The following GEN1 variants were observed in gnomAD, a reference collection of about 807,000 sequenced individuals.
The protein encoded by GEN1 is GEN1 structure-specific endonuclease, also known as flap endonuclease GEN homolog 1.
A neutral mutation model predicts 67.6 loss-of-function variants in GEN1; 64 were observed. The ratio of observed to expected loss-of-function variants is 0.95; its 90% CI spans 0.77 to 1.17. The LOEUF (loss-of-function observed/expected upper bound fraction) is 1.17, where lower values mean the gene tolerates loss of function less well. Among genes scored for constraint, GEN1 ranks in the 50% most tolerant of loss-of-function variants. GEN1 has a pLI of 0.00. For synonymous variants in GEN1, 371 were observed against 359.4 expected (o/e 1.03, Z -0.37); for missense variants, 1,058 against 1,048.3 (o/e 1.01, Z -0.13).
At chr2:17,764,876 G>A in intron 3 of GEN1, 21 bp from the exon 4 acceptor site, 2 of 1,605,248 alleles carry the variant, frequency 1.2e-6, no homozygotes, top group Non-Finnish European at 1.7e-6. Flanking sequence ...TTAACATCTT[G>A]CACCTGCTTT....
intron 4 of GEN1, among the ~76,000 whole-genome samples, chr2:17,765,601 T>C (rs1273298116): frequency 1.3e-5 from 2 of 152,212 alleles, no homozygotes; most frequent in African/African-American, 4.8e-5. Context: ...AGATATGTGA[T>C]GGCTTGGTGC....
At chr2:17,753,784 G>T (rs918764340), upstream of GEN1, 2 of 152,360 alleles carry the variant, frequency 1.3e-5, no homozygotes, top group Admixed American at 6.5e-5. Context: ...ATTCCCGGGA[G>T]CCCCGGCGCC....
chr2:17,782,535 G>C lies in GEN1; in HGVS notation c.*596G>C, dbSNP rs1021164341. Reference sequence around the variant, plus strand: ...CTTTTGGTGTCTTAGTCTCTTTTGAGGGGCAAAAATAGAAAAGGAGAGAAG... The same window carrying C: ...CTTTTGGTGTCTTAGTCTCTTTTGACGGGCAAAAATAGAAAAGGAGAGAAG... On this transcript the variant is annotated 3_prime_UTR_variant, in exon 14 of 14. Transcript: ENST00000381254. 1.3e-5 allele frequency: 2 copies of C among 152,130 alleles called. No homozygotes were observed. The highest frequency in any genetic ancestry group is 4.8e-5 in the African/African-American group (2 of 41,436). The allele number at this position is 152,130 out of a possible 1,614,324, so 9.4% of individuals were successfully genotyped here.
chr2:17,761,549 A>G lies in GEN1; in HGVS notation c.315A>G (p.Thr105=), dbSNP rs1419040318. 1 of 1,610,898 alleles carries G rather than the reference A, an allele frequency of 6.2e-7. No homozygotes were observed. Among genetic ancestry groups the G allele is most frequent in the Non-Finnish European group, 8.5e-7 (1 of 1,179,104 alleles). ...CTGGAAAATCGTGGTCTCAGAAAAC[A>G]GGGAGATCACATTTTAAATCAGTCT... ...GSSGKSWSQK[T]GRSHFKSVLR... The change falls in exon 3 of 14, where the codon ACA becomes ACG. Residue 105 remains threonine (T), a synonymous_variant. Transcript: ENST00000381254.
rs1672983331 is a variant in GEN1, at chr2:17,784,429, TTACGA to T, written c.*2493_*2497del. 1 of 152,070 alleles carries T rather than the reference TTACGA, an allele frequency of 6.6e-6. No homozygotes were observed. The highest frequency in any genetic ancestry group is 2.4e-5 in the African/African-American group (1 of 41,398). The allele number at this position is 152,070 out of a possible 1,614,324, so 9.4% of individuals were successfully genotyped here. The stretch of plus-strand genomic sequence containing the variant: ...GTTCTTCAAATGGTTAAATGTAGAG[TTACGA>T]TATGATCCAGCAATTCCTCTCCCAG... On this transcript the variant is annotated 3_prime_UTR_variant, in exon 14 of 14. Transcript: ENST00000381254.
chr2:17,766,599 C>A lies in GEN1; in HGVS notation c.546C>A (p.Tyr182Ter), dbSNP rs1671946493. Reference protein sequence around the residue: ...MNTKDPHVDCYTMSSIKSKLG... With the variant: ...MNTKDPHVDC ...TTTAGGACCCACATGTTGACTGTTA[C>A]ACAATGTCATCTATCAAGAGTAAAC... Residue 182 changes from tyrosine (Y) to a stop codon, truncating the protein, a stop_gained, in exon 5 of 14, where the codon TAC becomes TAA. Coordinates refer to ENST00000381254, the MANE Select transcript of GEN1 (RefSeq NM_001130009.3). LOFTEE classifies it high-confidence loss of function. 6.3e-7 allele frequency: 1 copy of A among 1,596,082 alleles called. No individual in the cohort carries two copies. The highest frequency in any genetic ancestry group is 8.6e-7 in the Non-Finnish European group (1 of 1,165,108).
rs1313232959 is a variant in GEN1 at position 17,786,232 on chromosome 2, A to G, written c.*4293A>G. 6.6e-6 allele frequency: 1 copy of G among 152,238 alleles called. No individual in the cohort carries two copies. The highest frequency in any genetic ancestry group is 6.5e-5 in the Admixed American group (1 of 15,284). 9.4% of individuals were successfully genotyped at this position (152,238 alleles called of 1,614,324 possible). The stretch of plus-strand genomic sequence containing the variant: ...GTAAATTGTAGCTGTGTCCGATACC[A>G]TCATTTGGAAAGAGCACTATCAGAT... On this transcript the variant is annotated 3_prime_UTR_variant, in exon 14 of 14. Transcript: ENST00000381254.
rs1373267426 is a variant in GEN1 at position 17,782,555 on chromosome 2, GAGA to G, written c.*620_*622del. ...TTTGAGGGGCAAAAATAGAAAAGGA[GAGA>G]AGATGTCAGTATGTTTAGTAAAAAT... On this transcript the variant is annotated 3_prime_UTR_variant, in exon 14 of 14. Transcript: ENST00000381254. The G allele has an allele frequency of 1.3e-5, 2 of 152,216 alleles. No homozygotes were observed. The highest frequency in any genetic ancestry group is 2.9e-5 in the Non-Finnish European group (2 of 68,044). The allele number at this position is 152,216 out of a possible 1,614,324, so 9.4% of individuals were successfully genotyped here.
In GEN1 at chr2:17,786,000, C is replaced by T. The variant is rs911002971; in HGVS notation, c.*4061C>T. On this transcript the variant is annotated 3_prime_UTR_variant, in exon 14 of 14. Coordinates refer to ENST00000381254, the MANE Select transcript of GEN1 (RefSeq NM_001130009.3). The stretch of plus-strand genomic sequence containing the variant: ...GGTAGCATGGCTTGAGCCATCTTGT[C>T]AGGCATACCTAGCTTCAGATTCTTT... 2 of 152,212 alleles carry T rather than the reference C, an allele frequency of 1.3e-5. No homozygotes were observed. The highest frequency in any genetic ancestry group is 4.8e-5 in the African/African-American group (2 of 41,450). The allele number at this position is 152,212 out of a possible 1,614,324, so 9.4% of individuals were successfully genotyped here.
In GEN1 at chr2:17,780,614, T is replaced by C. The variant is rs1252580748; in HGVS notation, c.1409-7T>C. 1.3e-6 allele frequency: 2 copies of C among 1,515,480 alleles called. No individual in the cohort carries two copies. Among genetic ancestry groups the C allele is most frequent in the Non-Finnish European group, 1.8e-6 (2 of 1,126,746 alleles). The allele number at this position is 1,515,480 out of a possible 1,614,324, so 93.9% of individuals were successfully genotyped here. On this transcript the variant is annotated splice_region_variant and splice_polypyrimidine_tract_variant and intron_variant, in intron 13 of 13. Transcript: ENST00000381254. ...ATGTTGATTATATGTATTTTTTTTC[T>C]TTTCAGGTATTAAGCCTAAAGAAAA...
chr2:17,766,015 C>T (rs919180314), intron 4 of GEN1, among the ~76,000 whole-genome samples: 7 of 151,230 alleles, frequency 4.6e-5, no homozygotes, highest in Non-Finnish European at 8.8e-5. Flanking sequence ...TTTTAGACAC[C>T]AGAAAGCAAT....
intron 4 of GEN1, 38 bp downstream of exon 4, chr2:17,765,111 G>T: frequency 6.3e-7 from 1 of 1,590,228 alleles, no homozygotes; most frequent in Non-Finnish European, 8.6e-7. Context: ...ATTTGTTTAC[G>T]AACTACCTTT....
rs1264668681 is a variant in GEN1, at chr2:17,784,815, GA to G, written c.*2877del. On this transcript the variant is annotated 3_prime_UTR_variant, in exon 14 of 14. Transcript: ENST00000381254. ...AAATAAAATATCTAGAGGCATTCTT[GA>G]GATTGTATGAGATGAAAATAACAAA... 2 of 152,208 alleles carry G rather than the reference GA, an allele frequency of 1.3e-5. No homozygotes were observed. The highest frequency in any genetic ancestry group is 4.8e-5 in the African/African-American group (2 of 41,450). The allele number at this position is 152,208 out of a possible 1,614,324, so 9.4% of individuals were successfully genotyped here. A position where few individuals can be genotyped will look rare whatever the true frequency, so the allele number is the denominator to read the frequency against.
rs752366672 is a variant in GEN1 at position 17,761,595 on chromosome 2, A to T, written c.348+13A>T. ...AGTCTTAAGAGAGGTGAGCATTCAGATTTGATTCAGTAATTCCGATTTGAA... is the reference window on the plus strand; with the variant it reads ...AGTCTTAAGAGAGGTGAGCATTCAGTTTTGATTCAGTAATTCCGATTTGAA... On this transcript the variant is annotated intron_variant, in intron 3 of 13. Coordinates refer to ENST00000381254, the MANE Select transcript of GEN1 (RefSeq NM_001130009.3). 16 of 1,566,738 alleles carry T rather than the reference A, an allele frequency of 1.0e-5. No individual in the cohort carries two copies. Among genetic ancestry groups the T allele is most frequent in the Admixed American group, 1.9e-5 (1 of 51,374 alleles).
chr2:17,765,959 A>C (rs965468525), intron 4 of GEN1, among the ~76,000 whole-genome samples: 1 of 151,546 alleles, frequency 6.6e-6, no homozygotes, highest in Non-Finnish European at 1.5e-5. Flanking sequence ...ATATATATAT[A>C]TATATATGTT....
intron 4 of GEN1, among the ~76,000 whole-genome samples, chr2:17,765,940 CTT>C (rs1671908652): frequency 8.8e-6 from 1 of 113,286 alleles, no homozygotes. Context: ...GGAATGTTTA[CTT>C]TCTATAATAT....
chr2:17,768,683 T>C, intron 5 of GEN1, 55 bp from the exon 6 acceptor site: 4 of 1,276,238 alleles, frequency 3.1e-6, no homozygotes, highest in Non-Finnish European at 4.6e-6. Context: ...TAATATACTT[T>C]TAACCATTCC....
At position 17,783,802 on chromosome 2, in the gene GEN1, A is replaced by G. The variant is rs1672954487; in HGVS notation, c.*1863A>G. ...TGGATCTATTGGATATCTATGTAAA[A>G]AAGAGTGACATTTGATTCCTACTTC... On this transcript the variant is annotated 3_prime_UTR_variant, in exon 14 of 14. Coordinates refer to ENST00000381254, the MANE Select transcript of GEN1 (RefSeq NM_001130009.3). The G allele has an allele frequency of 6.6e-6, 1 of 152,244 alleles. No individual in the cohort carries two copies. Among genetic ancestry groups the G allele is most frequent in the South Asian group, 2.1e-4 (1 of 4,834 alleles). 9.4% of individuals were successfully genotyped at this position (152,244 alleles called of 1,614,324 possible). A position where few individuals can be genotyped will look rare whatever the true frequency, so the allele number is the denominator to read the frequency against.
At chr2:17,768,606 G>C in intron 5 of GEN1, 132 bp from the exon 6 acceptor site, 1 of 637,634 alleles carries the variant, frequency 1.6e-6, no homozygotes, top group East Asian at 2.8e-5. Context: ...AGTGTATCTT[G>C]CATATCTTTT....
Sources: allele counts gnomAD v4.1 joint callset (sites outside exome capture counted in the v4.1 genomes callset), GRCh38; gene constraint gnomAD v4.1.1; transcripts MANE v1.5; gene names NCBI Gene and HGNC (gene_info 2026-07-23, HGNC 2026-07-21).